SLC6A20: variants seen among roughly 807,000 people sequenced by gnomAD.
SLC6A20 encodes sodium- and chloride-dependent transporter XTRP3.
Under a neutral mutation model 64.3 loss-of-function variants are expected in SLC6A20, and 73 were observed. That is an observed-to-expected ratio of 1.14 (90% CI 0.94 to 1.38). SLC6A20 has a LOEUF of 1.38. SLC6A20 is among the 40% of genes most tolerant of loss of function. The probability of loss-of-function intolerance (pLI) is 0.00; values close to 1 mark genes in which losing one functional copy is unlikely to be tolerated. For synonymous variants in SLC6A20, 347 were observed against 329.6 expected, an observed-to-expected ratio of 1.05 and a Z score of -0.57; for missense variants, 725 against 772.8, an observed-to-expected ratio of 0.94 and a Z score of 0.73.
chr3:45,778,712 G>A (rs1700017338), intron 3 of SLC6A20, among the ~76,000 whole-genome samples: 1 of 152,188 alleles, frequency 6.6e-6, no homozygotes, highest in African/African-American at 2.4e-5. Context: ...CTGTTGTGCA[G>A]TGCACAAGCT....
chr3:45,780,164 G>T (rs1700052178), intron 2 of SLC6A20, 64 bp from the exon 3 acceptor site: 11 of 1,496,620 alleles, frequency 7.3e-6, no homozygotes, highest in Non-Finnish European at 9.1e-6. Context: ...GCCAGGCCCA[G>T]CGTGTGCTCC....
At chr3:45,776,464 C>T (rs1699970518) in intron 3 of SLC6A20, among the ~76,000 whole-genome samples, 1 of 152,100 alleles carries the variant, frequency 6.6e-6, no homozygotes, top group South Asian at 2.1e-4. Context: ...ACAGAGAGCC[C>T]AGTTCAGAGT....
chr3:45,773,729 T>C (rs1699916621), intron 4 of SLC6A20, among the ~76,000 whole-genome samples: 1 of 152,176 alleles, frequency 6.6e-6, no homozygotes, highest in Non-Finnish European at 1.5e-5. Context: ...GGCATCATCT[T>C]CTCATCCATT....
intron 2 of SLC6A20, among the ~76,000 whole-genome samples, chr3:45,781,360 C>T (rs1350775295): frequency 6.6e-6 from 1 of 152,226 alleles, no homozygotes; most frequent in African/African-American, 2.4e-5. Context: ...GCTCCTGAAA[C>T]GTCACTCTGC....
chr3:45,776,280 T>G (rs985278140), intron 3 of SLC6A20, among the ~76,000 whole-genome samples: 2 of 151,954 alleles, frequency 1.3e-5, no homozygotes, highest in African/African-American at 4.8e-5. Flanking sequence ...GAATAGCAAA[T>G]GGACCACAGC....
chr3:45,770,205 T>C lies in SLC6A20; in HGVS notation c.1098+4A>G. On this transcript the variant is annotated splice_donor_region_variant and intron_variant, in intron 7 of 10. Coordinates refer to ENST00000358525, the MANE Select transcript of SLC6A20 (RefSeq NM_020208.4). ...CAGTCCTTGACCTTGCCTGGGCATC[T>C]TACCGTGTCTAGCTCCGATTCCAAG... is the stretch of plus-strand genomic sequence containing the variant. 1 of 1,614,208 alleles carries C rather than the reference T, an allele frequency of 6.2e-7. No individual in the cohort carries two copies. Among genetic ancestry groups the C allele is most frequent in the Non-Finnish European group, 8.5e-7 (1 of 1,180,006 alleles).
At chr3:45,763,804 C>A (rs1699726223) in intron 8 of SLC6A20, among the ~76,000 whole-genome samples, 3 of 152,212 alleles carry the variant, frequency 2.0e-5, no homozygotes, top group African/African-American at 7.2e-5. Context: ...GGACCCCATG[C>A]ATGTCTGAGT....
intron 8 of SLC6A20, among the ~76,000 whole-genome samples, chr3:45,763,492 T>C (rs1699721540): frequency 6.6e-6 from 1 of 151,786 alleles, no homozygotes; most frequent in Non-Finnish European, 1.5e-5. Flanking sequence ...GAATATGGAG[T>C]GGCCCCATCA....
intron 7 of SLC6A20, among the ~76,000 whole-genome samples, chr3:45,769,141 A>G (rs1296812855): frequency 6.6e-6 from 1 of 152,208 alleles, no homozygotes; most frequent in East Asian, 1.9e-4. Context: ...AAAAAACACC[A>G]TTCACAATAC....
chr3:45,796,278 C>G, intron 1 of SLC6A20, 21 bp downstream of exon 1: 3 of 1,585,458 alleles, frequency 1.9e-6, no homozygotes, highest in Non-Finnish European at 2.6e-6. Flanking sequence ...GGGCTGGGGC[C>G]GGGGCGCGGT....
At chr3:45,771,140 C>A in intron 6 of SLC6A20, 77 bp downstream of exon 6, 1 of 1,590,904 alleles carries the variant, frequency 6.3e-7, no homozygotes, top group Non-Finnish European at 8.6e-7. Context: ...GTGCACTTTG[C>A]CCCAGCCCTT....
rs1700349711 is a variant in SLC6A20, at chr3:45,796,429, C to T, written c.-10G>A. On this transcript the variant is annotated 5_prime_UTR_variant, in exon 1 of 11. Coordinates refer to ENST00000358525, the MANE Select transcript of SLC6A20 (RefSeq NM_020208.4). The stretch of plus-strand genomic sequence containing the variant: ...GCCGCGCTTTCTCCATGGCCCCGGC[C>T]TCGGCGCGCTCGGCTCCGGCTCGGG... 1 of 1,607,492 alleles carries T rather than the reference C, an allele frequency of 6.2e-7. No homozygotes were observed. The highest frequency in any genetic ancestry group is 1.7e-5 in the Admixed American group (1 of 59,714).
intron 1 of SLC6A20, among the ~76,000 whole-genome samples, chr3:45,786,613 C>T (rs1190730539): frequency 6.6e-6 from 1 of 152,212 alleles, no homozygotes; most frequent in Non-Finnish European, 1.5e-5. Context: ...AGTTACTATT[C>T]TCCCCTTAGA....
chr3:45,772,453 G>T (rs983384175), intron 5 of SLC6A20, 52 bp downstream of exon 5: 9 of 1,495,526 alleles, frequency 6.0e-6, no homozygotes, highest in Non-Finnish European at 8.3e-6. Context: ...ATCCTGGAAG[G>T]TGGCAGGATA....
chr3:45,785,528 G>T (rs1198781981), intron 1 of SLC6A20, among the ~76,000 whole-genome samples: 1 of 152,114 alleles, frequency 6.6e-6, no homozygotes, highest in Non-Finnish European at 1.5e-5. Context: ...TTGGGACTCA[G>T]ACTGGCTTTC....
At chr3:45,769,498 A>G (rs1404529617) in intron 7 of SLC6A20, among the ~76,000 whole-genome samples, 2 of 152,226 alleles carry the variant, frequency 1.3e-5, no homozygotes, top group Non-Finnish European at 2.9e-5. Flanking sequence ...CCAAATGTCT[A>G]TTAGTAAGGG....
chr3:45,764,851 TGG>T (rs1307284291), intron 8 of SLC6A20, among the ~76,000 whole-genome samples: 1 of 151,696 alleles, frequency 6.6e-6, no homozygotes, highest in African/African-American at 2.4e-5. Context: ...ACCTAGGTGG[TGG>T]TTCCTTGGGT....
intron 9 of SLC6A20, among the ~76,000 whole-genome samples, chr3:45,761,171 TCAGA>T (rs1170055960): frequency 6.6e-6 from 1 of 151,952 alleles, no homozygotes; most frequent in Non-Finnish European, 1.5e-5. Flanking sequence ...GCTTTCAAAA[TCAGA>T]CAGGTGAAAA....
chr3:45,759,250 C>T (rs1699617984), intron 10 of SLC6A20, 123 bp from the exon 11 acceptor site: 2 of 1,066,858 alleles, frequency 1.9e-6, no homozygotes, highest in Non-Finnish European at 2.6e-6. Context: ...CCGGTGTCCT[C>T]ACTCCTGGGG....
Sources: gnomAD v4.1 joint callset for allele counts (sites outside exome capture counted in the v4.1 genomes callset) on GRCh38, gnomAD v4.1.1 for gene constraint, MANE v1.5 for transcripts, NCBI Gene and HGNC (gene_info 2026-07-23, HGNC 2026-07-21) for gene names.